ITGB3: variants seen among roughly 807,000 people sequenced by gnomAD.
The protein encoded by ITGB3 is integrin beta-3.
Under a neutral mutation model 85.8 loss-of-function variants are expected in ITGB3, and 48 were observed. That is an observed-to-expected ratio of 0.56 (90% CI 0.44 to 0.71). The LOEUF (loss-of-function observed/expected upper bound fraction) is 0.71. ITGB3 is among the 30% of genes least tolerant of loss of function. ITGB3 has a pLI of 0.00. For synonymous variants in ITGB3, 363 were observed against 395.6 expected (o/e 0.92, Z 0.98); for missense variants, 861 against 1,019.1 (o/e 0.84, Z 2.11).
rs2065096073 is a variant in ITGB3, at chr17:47,284,617, T to A, written c.536T>A (p.Phe179Tyr). ...RKLTSNLRIG[F>Y]GAFVDKPVSP... is the part of the protein sequence containing the mutation. Reference sequence around the variant, plus strand: ...CTCACCAGTAACCTGCGGATTGGCTTCGGGGCATTTGTGGACAAGCCTGTG... The same window carrying A: ...CTCACCAGTAACCTGCGGATTGGCTACGGGGCATTTGTGGACAAGCCTGTG... Residue 179 changes from phenylalanine (F) to tyrosine (Y), a missense_variant, in exon 4 of 15, where the codon TTC (phenylalanine) becomes TAC (tyrosine). By Grantham distance (22) the Phe-to-Tyr change is conservative (BLOSUM62 3). Coordinates refer to ENST00000559488, the MANE Select transcript of ITGB3 (RefSeq NM_000212.3). The A allele has an allele frequency of 6.2e-7, 1 of 1,613,960 alleles. No homozygotes were observed. Among genetic ancestry groups the A allele is most frequent in the Non-Finnish European group, 8.5e-7 (1 of 1,180,008 alleles).
intron 1 of ITGB3, among the ~76,000 whole-genome samples, chr17:47,260,249 T>G (rs2065004582): frequency 6.6e-6 from 1 of 152,198 alleles, no homozygotes; most frequent in Non-Finnish European, 1.5e-5. Context: ...CAAGTGACTT[T>G]ACCTTTAGGC....
In ITGB3 at chr17:47,283,561, A is replaced by G; in HGVS notation, c.361+12A>G. 1 of 1,613,626 alleles carries G rather than the reference A, an allele frequency of 6.2e-7. No homozygotes were observed. Among genetic ancestry groups the G allele is most frequent in the Non-Finnish European group, 8.5e-7 (1 of 1,179,794 alleles). ...CCGGCTCCGGCCAGGTAGGGCTGGG[A>G]CTCTTTGCGGGGAGAGACCTGAAGC... On this transcript the variant is annotated intron_variant, in intron 3 of 14. Transcript: ENST00000559488.
At chr17:47,296,829 C>T (rs1186741493) in intron 10 of ITGB3, among the ~76,000 whole-genome samples, 2 of 152,090 alleles carry the variant, frequency 1.3e-5, no homozygotes, top group African/African-American at 4.8e-5. Context: ...AGAATCCTGG[C>T]CACAGAGGAA....
At chr17:47,284,821 A>G (rs1180787392) in intron 4 of ITGB3, 126 bp downstream of exon 4, 4 of 1,308,974 alleles carry the variant, frequency 3.1e-6, no homozygotes, top group Non-Finnish European at 4.3e-6. Flanking sequence ...GCTCCTTTCT[A>G]CCTTGGTCTC....
At chr17:47,290,580 G>A (rs1462482023) in intron 8 of ITGB3, among the ~76,000 whole-genome samples, 1 of 152,208 alleles carries the variant, frequency 6.6e-6, no homozygotes, top group East Asian at 1.9e-4. Context: ...TCCAATAACA[G>A]GGAAAAGAGA....
chr17:47,290,836 A>T, intron 8 of ITGB3, 118 bp from the exon 9 acceptor site: 2 of 1,194,150 alleles, frequency 1.7e-6, no homozygotes, highest in Non-Finnish European at 2.5e-6. Flanking sequence ...GGCCTCTGGC[A>T]CTGCTGGGGT....
At chr17:47,267,506 C>T (rs919122126) in intron 1 of ITGB3, among the ~76,000 whole-genome samples, 1 of 152,134 alleles carries the variant, frequency 6.6e-6, no homozygotes, top group African/African-American at 2.4e-5. Context: ...CACTTTTAAC[C>T]ACTGCATTCC....
In ITGB3 at chr17:47,307,508, C is replaced by T. The variant is rs140221649; in HGVS notation, c.2172C>T (p.Leu724=). The T allele has an allele frequency of 2.2e-5, 36 of 1,614,124 alleles. No homozygotes were observed. Among genetic ancestry groups the T allele is most frequent in the Non-Finnish European group, 3.1e-5 (36 of 1,180,014 alleles). Residue 724 remains leucine (L), a synonymous_variant, in exon 14 of 15, where the codon CTC becomes CTT. Coordinates refer to ENST00000559488, the MANE Select transcript of ITGB3 (RefSeq NM_000212.3). ...GCCCTGACATCCTGGTGGTCCTGCT[C>T]TCAGTGATGGGGGCCATTCTGCTCA... ...PKGPDILVVL[L]SVMGAILLIG...
intron 13 of ITGB3, among the ~76,000 whole-genome samples, chr17:47,303,164 C>A (rs1269049033): frequency 6.6e-6 from 1 of 151,984 alleles, no homozygotes; most frequent in Non-Finnish European, 1.5e-5. Flanking sequence ...GCAGGAGACT[C>A]ACTTGAACCC....
intron 14 of ITGB3, 95 bp downstream of exon 14, chr17:47,307,732 C>T (rs2065194610): frequency 3.4e-6 from 4 of 1,183,242 alleles, no homozygotes; most frequent in Non-Finnish European, 5.0e-6. Context: ...CAGCCAGTAC[C>T]ATCGTCTTTC....
rs774754538 is a variant in ITGB3, at chr17:47,287,260, CTATT to C, written c.939+30_939+33del. 4.3e-6 allele frequency: 7 copies of C among 1,612,348 alleles called. No homozygotes were observed. The Admixed American group carries it at 1.2e-4, about 27-fold the overall frequency. On this transcript the variant is annotated intron_variant, in intron 6 of 14. Coordinates refer to ENST00000559488, the MANE Select transcript of ITGB3 (RefSeq NM_000212.3). Reference sequence around the variant, plus strand: ...AGATCTCTGGCACCACCTATGGTTTCTATTCATGATTGTGAGGGTTGCCCTAATC... The same window carrying C: ...AGATCTCTGGCACCACCTATGGTTTCCATGATTGTGAGGGTTGCCCTAATC...
chr17:47,281,762 CA>C (rs1418081252), intron 2 of ITGB3, among the ~76,000 whole-genome samples: 41 of 152,180 alleles, frequency 2.7e-4, no homozygotes, highest in African/African-American at 9.6e-4. Context: ...ACTTGTCAAG[CA>C]TCTCATAGTA....
At chr17:47,282,533 A>G (rs2065087521) in intron 2 of ITGB3, among the ~76,000 whole-genome samples, 1 of 152,212 alleles carries the variant, frequency 6.6e-6, no homozygotes, top group African/African-American at 2.4e-5. Context: ...GACTTGCCTT[A>G]GTAAGCAGTT....
In ITGB3 at chr17:47,266,503, G is replaced by A. The variant is rs1456285466; in HGVS notation, c.80-7916G>A. On this transcript the variant is annotated intron_variant, in intron 1 of 14. Transcript: ENST00000559488. The stretch of plus-strand genomic sequence containing the variant: ...TTCTGCTTCTGTGATTCAAGCTGAT[G>A]TGCCAAACCACAGCCTTCTACTTCT... 2.0e-5 allele frequency among the ~76,000 whole-genome samples: 3 copies of A among 152,130 alleles called. No individual in the cohort carries two copies. In the South Asian group the frequency reaches 6.2e-4, roughly 31 times the overall value.
chr17:47,274,270 T>G, intron 1 of ITGB3, 149 bp from the exon 2 acceptor site: 1 of 738,624 alleles, frequency 1.4e-6, no homozygotes, highest in Non-Finnish European at 2.5e-6. Flanking sequence ...ATAACCTGTA[T>G]TTGGTAGACG....
At chr17:47,265,757 C>A (rs1159424075) in intron 1 of ITGB3, among the ~76,000 whole-genome samples, 1 of 152,108 alleles carries the variant, frequency 6.6e-6, no homozygotes, top group Non-Finnish European at 1.5e-5. Flanking sequence ...CAAATGTTTT[C>A]CAATGTTAAA....
At chr17:47,302,933 A>C in intron 13 of ITGB3, 93 bp downstream of exon 13, 1 of 1,454,364 alleles carries the variant, frequency 6.9e-7, no homozygotes, top group East Asian at 2.3e-5. Context: ...GCTGTTAAGC[A>C]AAACAGGTTA....
At chr17:47,260,531 C>G (rs1345152001) in intron 1 of ITGB3, among the ~76,000 whole-genome samples, 1 of 152,226 alleles carries the variant, frequency 6.6e-6, no homozygotes, top group South Asian at 2.1e-4. Context: ...GTCAACCCTA[C>G]ATCTCTTTGC....
chr17:47,271,814 C>G (rs535155055), intron 1 of ITGB3, among the ~76,000 whole-genome samples: 1 of 151,974 alleles, frequency 6.6e-6, no homozygotes, highest in Non-Finnish European at 1.5e-5. Flanking sequence ...GGCATGATAT[C>G]GGCTCACTGT....
Sources: allele counts gnomAD v4.1 joint callset (sites outside exome capture counted in the v4.1 genomes callset), GRCh38; gene constraint gnomAD v4.1.1; transcripts MANE v1.5; gene names NCBI Gene and HGNC (gene_info 2026-07-23, HGNC 2026-07-21).